REDIC1: variants seen among roughly 807,000 people sequenced by gnomAD.
The protein encoded by REDIC1 is regulator of DNA class I crossover intermediates 1.
chr12:39,884,383 G>A, the REDIC1 span, among the ~76,000 whole-genome samples: 92 of 152,194 alleles, frequency 6.0e-4, 1 homozygote, highest in South Asian at 0.019. Context: ...GCCAAACTTC[G>A]TATTTTCTTA....
At chr12:39,631,956 T>C in the REDIC1 span, among the ~76,000 whole-genome samples, 3 of 152,038 alleles carry the variant, frequency 2.0e-5, no homozygotes, top group Admixed American at 6.6e-5. Context: ...CAATAAATAT[T>C]TCTGCTTATA....
chr12:39,669,057 A>G, the REDIC1 span, among the ~76,000 whole-genome samples: 1 of 152,116 alleles, frequency 6.6e-6, no homozygotes, highest in African/African-American at 2.4e-5. Flanking sequence ...TCAACTCATC[A>G]AAGTCATTCT....
the REDIC1 span, among the ~76,000 whole-genome samples, chr12:39,754,621 G>A: frequency 6.6e-6 from 1 of 151,986 alleles, no homozygotes; most frequent in African/African-American, 2.4e-5. Flanking sequence ...GGAGAGCAAC[G>A]GAGTCCCAAA....
the REDIC1 span, among the ~76,000 whole-genome samples, chr12:39,661,226 C>G: frequency 6.6e-6 from 1 of 152,090 alleles, no homozygotes; most frequent in Non-Finnish European, 1.5e-5. Flanking sequence ...TTTGAGATGT[C>G]TCCACATTCT....
At chr12:39,891,134 C>G in the REDIC1 span, among the ~76,000 whole-genome samples, 74,776 of 148,190 alleles carry the variant, frequency 0.5, 19,256 homozygotes, top group Middle Eastern at 0.57. Flanking sequence ...TTTTTTTTAA[C>G]ATTTAATTTT....
At chr12:39,893,652 T>C in the REDIC1 span, among the ~76,000 whole-genome samples, 1 of 152,194 alleles carries the variant, frequency 6.6e-6, no homozygotes, top group Admixed American at 6.5e-5. Context: ...AAAAGTAAGA[T>C]AAAAGTTAAA....
chr12:39,712,579 ATATG>A, the REDIC1 span, among the ~76,000 whole-genome samples: 5 of 144,704 alleles, frequency 3.5e-5, no homozygotes, highest in African/African-American at 1.2e-4. Flanking sequence ...ATATACGTAT[ATATG>A]TATATACGTA....
At chr12:39,776,284 G>A in the REDIC1 span, among the ~76,000 whole-genome samples, 4 of 94,392 alleles carry the variant, frequency 4.2e-5, no homozygotes, top group Non-Finnish European at 4.5e-5. Context: ...CTGCTTCCCC[G>A]CTTAGGAGCT....
At chr12:39,858,228 C>G in the REDIC1 span, among the ~76,000 whole-genome samples, 1 of 152,170 alleles carries the variant, frequency 6.6e-6, no homozygotes, top group Non-Finnish European at 1.5e-5. Context: ...GCAATAAGGT[C>G]ACAGGATGAG....
chr12:39,813,492 C>T, the REDIC1 span, among the ~76,000 whole-genome samples: 7 of 152,254 alleles, frequency 4.6e-5, no homozygotes, highest in Non-Finnish European at 7.4e-5. Context: ...TCATCTGTTA[C>T]TATTTCAGTA....
the REDIC1 span, among the ~76,000 whole-genome samples, chr12:39,631,971 T>C: frequency 6.6e-6 from 1 of 152,098 alleles, no homozygotes; most frequent in Non-Finnish European, 1.5e-5. Context: ...CTTATACTTT[T>C]TGTTTAACCT....
chr12:39,711,264 T>C, the REDIC1 span, among the ~76,000 whole-genome samples: 5 of 149,754 alleles, frequency 3.3e-5, no homozygotes, highest in African/African-American at 1.2e-4. Flanking sequence ...ATATATGTGA[T>C]ATGTGTATAT....
At chr12:39,882,097 C>A in the REDIC1 span, among the ~76,000 whole-genome samples, 2 of 152,160 alleles carry the variant, frequency 1.3e-5, no homozygotes, top group Non-Finnish European at 2.9e-5. Context: ...ATTCCAGACA[C>A]TGCTTCTTTT....
At chr12:39,844,616 A>G in the REDIC1 span, among the ~76,000 whole-genome samples, 4 of 152,060 alleles carry the variant, frequency 2.6e-5, no homozygotes, top group Non-Finnish European at 1.5e-5. Context: ...AGTGTTTTGT[A>G]TTTAGTATCC....
chr12:39,691,028 TAG>T, the REDIC1 span, among the ~76,000 whole-genome samples: 1 of 151,992 alleles, frequency 6.6e-6, no homozygotes, highest in Non-Finnish European at 1.5e-5. Flanking sequence ...AATGATAAGA[TAG>T]AGGGGTTAGG....
At chr12:39,657,740 AT>A in the REDIC1 span, among the ~76,000 whole-genome samples, 1 of 151,936 alleles carries the variant, frequency 6.6e-6, no homozygotes, top group Non-Finnish European at 1.5e-5. Context: ...TAATGAGATT[AT>A]TTTTCTCTTA....
chr12:39,695,844 T>C, the REDIC1 span, among the ~76,000 whole-genome samples: 869 of 152,316 alleles, frequency 5.7e-3, 9 homozygotes, highest in African/African-American at 0.02. Flanking sequence ...ACAATCCTGA[T>C]GGTCATGGCC....
chr12:39,687,520 A>C, the REDIC1 span, among the ~76,000 whole-genome samples: 2 of 152,240 alleles, frequency 1.3e-5, no homozygotes, highest in East Asian at 3.9e-4. Context: ...ACCAGATCTC[A>C]TGACAGCAAA....
At chr12:39,901,525 G>A in the REDIC1 span, among the ~76,000 whole-genome samples, 3 of 133,146 alleles carry the variant, frequency 2.3e-5, no homozygotes, top group Non-Finnish European at 4.8e-5. Context: ...TCAAAAAGTG[G>A]GCAAAGGACA....
Sources: gnomAD v4.1 joint callset for allele counts (sites outside exome capture counted in the v4.1 genomes callset) on GRCh38, gnomAD v4.1.1 for gene constraint, MANE v1.5 for transcripts, NCBI Gene and HGNC (gene_info 2026-07-23, HGNC 2026-07-21) for gene names.